The following AMD1 variants were observed in gnomAD, a reference collection of about 807,000 sequenced individuals.
AMD1 encodes the protein S-adenosylmethionine decarboxylase proenzyme.
In AMD1, 11 loss-of-function variants were observed where a neutral mutation model predicts 40.2. The ratio of observed to expected loss-of-function variants is 0.27; its 90% confidence interval spans 0.17 to 0.45. The LOEUF is 0.45. Ranked by LOEUF, AMD1 falls within the 20% of genes least tolerant of loss-of-function variation. The probability of loss-of-function intolerance (pLI) is 1.00; values close to 1 mark genes in which losing one functional copy is unlikely to be tolerated. For synonymous variants in AMD1, 121 were observed against 130.8 expected (o/e 0.93, Z 0.51); for missense variants, 257 against 410.2 (o/e 0.63, Z 3.23).
the AMD1 span, among the ~76,000 whole-genome samples, chr6:110,842,870 C>T: frequency 6.6e-6 from 1 of 152,108 alleles, no homozygotes; most frequent in Non-Finnish European, 1.5e-5. Flanking sequence ...TGTGGTGGTT[C>T]ACACCTGTAA....
chr6:110,867,034 C>T, the AMD1 span, among the ~76,000 whole-genome samples: 4 of 152,016 alleles, frequency 2.6e-5, no homozygotes, highest in South Asian at 2.1e-4. Flanking sequence ...AGGATGGTCT[C>T]GATCTCCTGA....
At chr6:110,842,118 T>C in the AMD1 span, among the ~76,000 whole-genome samples, 1 of 152,108 alleles carries the variant, frequency 6.6e-6, no homozygotes, top group Non-Finnish European at 1.5e-5. Context: ...TTTGCTTAAA[T>C]ACAAGCCTGG....
the AMD1 span, among the ~76,000 whole-genome samples, chr6:110,853,704 G>A: frequency 6.6e-6 from 1 of 152,130 alleles, no homozygotes; most frequent in Admixed American, 6.6e-5. Flanking sequence ...GCCTCCCAAA[G>A]TGCTCAGCTT....
the AMD1 span, chr6:110,815,160 C>A: frequency 6.4e-7 from 1 of 1,558,372 alleles, no homozygotes; most frequent in African/African-American, 1.4e-5. Context: ...CATAGAGGCA[C>A]GGGACGCGGG....
chr6:110,870,332 A>G (rs539386683), upstream of AMD1, among the ~76,000 whole-genome samples: 23 of 152,278 alleles, frequency 1.5e-4, no homozygotes, highest in East Asian at 3.7e-3. Flanking sequence ...GTCACTTTAA[A>G]TTGAATCTAA....
intron 2 of AMD1, 110 bp from the exon 3 acceptor site, chr6:110,888,747 C>T: frequency 9.1e-7 from 1 of 1,095,928 alleles, no homozygotes; most frequent in Non-Finnish European, 1.3e-6. Context: ...CCTTGAGATC[C>T]TAATATTTAA....
chr6:110,818,066 C>G, the AMD1 span, among the ~76,000 whole-genome samples: 1 of 152,060 alleles, frequency 6.6e-6, no homozygotes, highest in Non-Finnish European at 1.5e-5. Flanking sequence ...TAAGAAAATA[C>G]TAAACAGATA....
chr6:110,883,748 T>C (rs1279591), intron 1 of AMD1, among the ~76,000 whole-genome samples: 131,201 of 152,054 alleles, frequency 0.86, 56,768 homozygotes, highest in Middle Eastern at 0.95. Flanking sequence ...CCCGCCACCA[T>C]GCCCAGCTAA....
Position 110,893,681 on chromosome 6 carries a change from A to G in AMD1, c.*65A>G, listed in dbSNP as rs567501867. 4.5e-6 allele frequency: 7 copies of G among 1,564,530 alleles called. No homozygotes were observed. The South Asian group carries it at 6.8e-5, about 15-fold the overall frequency. The stretch of plus-strand genomic sequence containing the variant: ...GTAGAAGGTGGTGGATGCTTTCTAG[A>G]TGTCGATGCTGGGGGCAGTGCTTTC... On this transcript the variant is annotated 3_prime_UTR_variant, in exon 9 of 9. Transcript: ENST00000368885.
At chr6:110,893,426 A>G (rs752390683) in intron 8 of AMD1, 50 bp from the exon 9 acceptor site, 3 of 1,600,810 alleles carry the variant, frequency 1.9e-6, no homozygotes, top group Non-Finnish European at 2.6e-6. Flanking sequence ...TTGGTTGAAA[A>G]TACTTCTCTG....
chr6:110,835,019 C>T, the AMD1 span, among the ~76,000 whole-genome samples: 2 of 135,304 alleles, frequency 1.5e-5, no homozygotes, highest in Non-Finnish European at 3.1e-5. Context: ...TATGCGGATA[C>T]TATTTTTTTT....
intron 1 of AMD1, among the ~76,000 whole-genome samples, chr6:110,878,669 C>T (rs1039935643): frequency 6.6e-6 from 1 of 152,076 alleles, no homozygotes; most frequent in African/African-American, 2.4e-5. Flanking sequence ...GATCAAAGTG[C>T]TGTAACAAAC....
chr6:110,818,679 T>C, the AMD1 span, among the ~76,000 whole-genome samples: 1 of 152,318 alleles, frequency 6.6e-6, no homozygotes, highest in South Asian at 2.1e-4. Flanking sequence ...TAGCTGGGAT[T>C]ACAGGCATGT....
At chr6:110,823,902 A>G in the AMD1 span, among the ~76,000 whole-genome samples, 2 of 152,330 alleles carry the variant, frequency 1.3e-5, no homozygotes, top group South Asian at 4.1e-4. Context: ...TCTCATGCTC[A>G]CAGATTAGAA....
chr6:110,893,713 C>A lies in AMD1; in HGVS notation c.*97C>A. On this transcript the variant is annotated 3_prime_UTR_variant, in exon 9 of 9. Transcript: ENST00000368885. ...TGCTGGGGGCAGTGCTTTCCATAAC[C>A]ACCACTGTGTAGTTGCAGAAAGCCC... The A allele has an allele frequency of 7.3e-7, 1 of 1,367,840 alleles. No homozygotes were observed. The allele number at this position is 1,367,840 out of a possible 1,614,324, so 84.7% of individuals were successfully genotyped here. A position where few individuals can be genotyped will look rare whatever the true frequency, so the allele number is the denominator to read the frequency against.
chr6:110,836,460 TATATAG>T, the AMD1 span, among the ~76,000 whole-genome samples: 2 of 152,178 alleles, frequency 1.3e-5, no homozygotes, highest in African/African-American at 4.8e-5. Flanking sequence ...TACACAACAG[TATATAG>T]ATAACAGAGT....
intron 3 of AMD1, 69 bp from the exon 4 acceptor site, chr6:110,890,185 C>T: frequency 8.3e-7 from 1 of 1,199,462 alleles, no homozygotes; most frequent in Non-Finnish European, 1.2e-6. Context: ...AGTTGATTAG[C>T]TTCGAAAAGT....
At chr6:110,848,141 G>A in the AMD1 span, among the ~76,000 whole-genome samples, 1 of 152,062 alleles carries the variant, frequency 6.6e-6, no homozygotes, top group African/African-American at 2.4e-5. Flanking sequence ...AATATGAGCT[G>A]TGTTTGTTTG....
chr6:110,875,078 T>G lies in AMD1; in HGVS notation c.-28T>G. 1.9e-6 allele frequency: 3 copies of G among 1,556,312 alleles called. No homozygotes were observed. Among genetic ancestry groups the G allele is most frequent in the Non-Finnish European group, 2.6e-6 (3 of 1,134,152 alleles). On this transcript the variant is annotated 5_prime_UTR_variant, in exon 1 of 9. Coordinates refer to ENST00000368885, the MANE Select transcript of AMD1 (RefSeq NM_001634.6). ...GTTTAATTTAGTTGATTTTCTGTGG[T>G]TGTTGGTTGTTCGCTAGTCTCACGG...
Sources: gnomAD v4.1 joint callset for allele counts (sites outside exome capture counted in the v4.1 genomes callset) on GRCh38, gnomAD v4.1.1 for gene constraint, MANE v1.5 for transcripts, NCBI Gene and HGNC (gene_info 2026-07-23, HGNC 2026-07-21) for gene names.